MYBPC2: variants seen among roughly 807,000 people sequenced by gnomAD.
MYBPC2 encodes the protein myosin binding protein C2, also known as myosin-binding protein C, fast-type.
Under a neutral mutation model 137.0 loss-of-function variants are expected in MYBPC2, and 122 were observed. The ratio of observed to expected loss-of-function variants is 0.89; its 90% CI spans 0.77 to 1.03. The LOEUF (loss-of-function observed/expected upper bound fraction) is 1.03, where lower values mean the gene tolerates loss of function less well. Ranked by LOEUF, MYBPC2 falls within the 50% of genes least tolerant of loss-of-function variation. The pLI, the probability that MYBPC2 is intolerant of heterozygous loss-of-function variation, is 0.00. For synonymous variants in MYBPC2, 626 were observed against 612.3 expected (o/e 1.02, Z -0.33); for missense variants, 1,500 against 1,534.4 (o/e 0.98, Z 0.37).
intron 7 of MYBPC2, 111 bp downstream of exon 7, chr19:50,437,829 CCA>C: frequency 8.2e-7 from 1 of 1,220,358 alleles, no homozygotes; most frequent in South Asian, 1.3e-5. Flanking sequence ...TATCCCTCTA[CCA>C]CCTCCATCTG....
intron 16 of MYBPC2, among the ~76,000 whole-genome samples, chr19:50,453,677 A>C (rs539015736): frequency 2.0e-5 from 3 of 151,862 alleles, no homozygotes; most frequent in African/African-American, 7.2e-5. Context: ...AGTAGCTGGG[A>C]TTACAGGCAT....
chr19:50,446,763 T>C (rs2039809365), intron 12 of MYBPC2, among the ~76,000 whole-genome samples: 1 of 143,608 alleles, frequency 7.0e-6, no homozygotes, highest in African/African-American at 2.6e-5. Flanking sequence ...GAGGTTGTGG[T>C]GAGCCGAGAT....
rs756709041 is a variant in MYBPC2, at chr19:50,437,477, C to G, written c.468C>G (p.Pro156=). ...SCGFNIDVEA[P]RQDASGQSLE... ...TCTCTCATCACCTCTCCCCAGCACC[C>G]CGTCAGGATGCCTCTGGGCAGAGTC... The change falls in exon 6 of 28, where the codon CCC becomes CCG. Residue 156 remains proline (P), a synonymous_variant. Transcript: ENST00000357701. 2.5e-6 allele frequency: 4 copies of G among 1,610,854 alleles called. No homozygotes were observed. The highest frequency in any genetic ancestry group is 3.4e-6 in the Non-Finnish European group (4 of 1,178,604).
chr19:50,454,892 C>T (rs559111196), intron 18 of MYBPC2, among the ~76,000 whole-genome samples: 1 of 152,230 alleles, frequency 6.6e-6, no homozygotes, highest in South Asian at 2.1e-4. Context: ...TTCTATGGCT[C>T]CTGGCCTCCT....
At position 50,465,334 on chromosome 19, in the gene MYBPC2, T is replaced by C. The variant is rs922793357; in HGVS notation, c.3415+802T>C. On this transcript the variant is annotated intron_variant, in intron 27 of 27. Coordinates refer to ENST00000357701, the MANE Select transcript of MYBPC2 (RefSeq NM_004533.4). The surrounding 1 kb of genome is among the most constrained non-coding windows in gnomAD (Gnocchi z 4.5). ...GCTCTTCCCTCTTCCTGGAACACAA[T>C]TCCCCCGCTCCTTTACCCTGGGCTC... Among the ~76,000 whole-genome samples, 4 of 152,116 alleles carry C rather than the reference T, an allele frequency of 2.6e-5. No individual in the cohort carries two copies. The highest frequency in any genetic ancestry group is 7.2e-5 in the African/African-American group (3 of 41,436).
chr19:50,435,202 G>A lies in MYBPC2; in HGVS notation c.61G>A (p.Ala21Thr). 2 of 1,439,018 alleles carry A rather than the reference G, an allele frequency of 1.4e-6. No homozygotes were observed. Among genetic ancestry groups the A allele is most frequent in the Non-Finnish European group, 1.9e-6 (2 of 1,026,152 alleles). 89.1% of individuals were successfully genotyped at this position (1,439,018 alleles called of 1,614,324 possible). ...CAAAGGCAAAGATGCCCCCAAAGGA[G>A]CCCCCAAGGAGGCTCCCCCTAAGGA... ...APKGKDAPKGAPKEAPPKEAP... is the reference protein window; with the variant it reads ...APKGKDAPKGTPKEAPPKEAP... Residue 21 changes from alanine (A) to threonine (T), a missense_variant, in exon 2 of 28, where the codon GCC (alanine) becomes ACC (threonine). Transcript: ENST00000357701. This position sits in a 1 kb window ranked among gnomAD's most constrained non-coding sequence, Gnocchi z 4.8.
At chr19:50,449,759 G>A (rs963226490) in intron 13 of MYBPC2, among the ~76,000 whole-genome samples, 4 of 152,196 alleles carry the variant, frequency 2.6e-5, no homozygotes, top group African/African-American at 9.6e-5. Context: ...CATGATGCCT[G>A]GAGAACATCG....
At chr19:50,437,766 G>T in intron 7 of MYBPC2, 48 bp downstream of exon 7, 1 of 1,562,116 alleles carries the variant, frequency 6.4e-7, no homozygotes, top group African/African-American at 1.4e-5. Context: ...CTCAAGGGGA[G>T]GAGGTGGTGG....
Position 50,461,005 on chromosome 19 carries a change from A to T in MYBPC2, c.2932-537A>T, listed in dbSNP as rs549581094. On this transcript the variant is annotated intron_variant, in intron 24 of 27. Coordinates refer to ENST00000357701, the MANE Select transcript of MYBPC2 (RefSeq NM_004533.4). ...TGCACCTGGCCTTTATTTCTTTTAA[A>T]TTTTTTTTTTTTTTTTGAGACAGGG... is the stretch of plus-strand genomic sequence containing the variant. Among the ~76,000 whole-genome samples the T allele has an allele frequency of 4.3e-3, 553 of 127,942 alleles. 4 individuals carry two copies. Among genetic ancestry groups the T allele is most frequent in the African/African-American group, 0.015 (515 of 33,892 alleles). 83.9% of individuals were successfully genotyped at this position (127,942 alleles called of 152,430 possible). A position where few individuals can be genotyped will look rare whatever the true frequency, so the allele number is the denominator to read the frequency against.
intron 5 of MYBPC2, among the ~76,000 whole-genome samples, chr19:50,437,248 T>TG: frequency 6.6e-6 from 1 of 151,630 alleles, no homozygotes; most frequent in African/African-American, 2.4e-5. Flanking sequence ...GGCCCAGGTG[T>TG]GGGGGGTATA....
In MYBPC2 at chr19:50,436,614, C is replaced by T; in HGVS notation, c.346-3C>T. On this transcript the variant is annotated splice_polypyrimidine_tract_variant and splice_region_variant and intron_variant, in intron 4 of 27. Coordinates refer to ENST00000357701, the MANE Select transcript of MYBPC2 (RefSeq NM_004533.4). The stretch of plus-strand genomic sequence containing the variant: ...GCACCCACACCCCCGGCCCTGGACC[C>T]AGGTGTACACCGTGGAGCTGCACAT... 6.2e-7 allele frequency: 1 copy of T among 1,613,298 alleles called. No homozygotes were observed. The highest frequency in any genetic ancestry group is 8.5e-7 in the Non-Finnish European group (1 of 1,179,340).
Position 50,458,858 on chromosome 19 carries a change from T to C in MYBPC2, c.2507-60T>C, listed in dbSNP as rs751893892. 26 of 1,595,174 alleles carry C rather than the reference T, an allele frequency of 1.6e-5. No individual in the cohort carries two copies. In the Middle Eastern group the frequency reaches 5.0e-4, roughly 30 times the overall value. ...CCTCCCCAGAGAGCCTTATCACCAT[T>C]GGCCCCTGGAATGCGCCCCGGCCCC... On this transcript the variant is annotated intron_variant, in intron 21 of 27. Coordinates refer to ENST00000357701, the MANE Select transcript of MYBPC2 (RefSeq NM_004533.4).
Position 50,458,730 on chromosome 19 carries a change from C to A in MYBPC2, c.2482C>A (p.Pro828Thr), listed in dbSNP as rs755216729. The A allele has an allele frequency of 1.1e-5, 18 of 1,608,686 alleles. No homozygotes were observed. In the African/African-American group the frequency reaches 2.4e-4, roughly 21 times the overall value. ...CAGCGAGCCGGCCACCCTGGCCCAGCCGGTCACCATCAGGGAGATTGCGGG... is the reference window on the plus strand; with the variant it reads ...CAGCGAGCCGGCCACCCTGGCCCAGACGGTCACCATCAGGGAGATTGCGGG... ...GRSEPATLAQ[P>T]VTIREIAEPP... Residue 828 changes from proline (P) to threonine (T), a missense_variant, in exon 21 of 28, where the codon CCG becomes ACG. Coordinates refer to ENST00000357701, the MANE Select transcript of MYBPC2 (RefSeq NM_004533.4).
At chr19:50,451,769 C>G in intron 15 of MYBPC2, 95 bp from the exon 16 acceptor site, 1 of 1,516,102 alleles carries the variant, frequency 6.6e-7, no homozygotes, top group Non-Finnish European at 8.9e-7. Context: ...GTCTCTGTCA[C>G]TGTTGGAACC....
chr19:50,453,272 C>G (rs147676620), intron 16 of MYBPC2, among the ~76,000 whole-genome samples: 7 of 151,972 alleles, frequency 4.6e-5, no homozygotes, highest in Non-Finnish European at 1.0e-4. Context: ...TTTACTCTTG[C>G]GGAGACGCAA....
At chr19:50,450,742 C>A in intron 13 of MYBPC2, 87 bp from the exon 14 acceptor site, 1 of 926,610 alleles carries the variant, frequency 1.1e-6, no homozygotes. Context: ...GTGGACTGCA[C>A]TGAGGGAAGC....
In MYBPC2 at chr19:50,435,441, C is replaced by T. The variant is rs576135041; in HGVS notation, c.109+191C>T. Among the ~76,000 whole-genome samples the T allele has an allele frequency of 1.3e-4, 20 of 152,354 alleles. No homozygotes were observed. The highest frequency in any genetic ancestry group is 3.4e-3 in the Middle Eastern group (1 of 294). On this transcript the variant is annotated intron_variant, in intron 2 of 27. Transcript: ENST00000357701. The surrounding 1 kb of genome is among the most constrained non-coding windows in gnomAD (Gnocchi z 4.8). Reference sequence around the variant, plus strand: ...CACCCGCAGGCAGAGCCCAGCCCCTCGGCTGGCATCGGCTCCGGTCAGCTG... The same window carrying T: ...CACCCGCAGGCAGAGCCCAGCCCCTTGGCTGGCATCGGCTCCGGTCAGCTG...
At chr19:50,461,444 G>C (rs978288895) in intron 24 of MYBPC2, 98 bp from the exon 25 acceptor site, 1 of 1,276,910 alleles carries the variant, frequency 7.8e-7, no homozygotes, top group African/African-American at 1.5e-5. Flanking sequence ...TTAAACACTG[G>C]ATGTGCTTTT....
Position 50,459,179 on chromosome 19 carries a change from G to T in MYBPC2, c.2664G>T (p.Val888=). The part of the protein sequence containing the change: ...GAPLDTSRVH[V]RTSDFDTVFF... Reference sequence around the variant, plus strand: ...CGCTGGACACCTCCCGCGTGCACGTGCGGACCAGCGACTTCGACACCGTGT... The same window carrying T: ...CGCTGGACACCTCCCGCGTGCACGTTCGGACCAGCGACTTCGACACCGTGT... Residue 888 remains valine, a synonymous_variant, in exon 23 of 28, where the codon GTG becomes GTT. Transcript: ENST00000357701. The T allele has an allele frequency of 1.9e-6, 3 of 1,607,256 alleles. No individual in the cohort carries two copies. The highest frequency in any genetic ancestry group is 2.5e-6 in the Non-Finnish European group (3 of 1,178,362).
Sources: gnomAD v4.1 joint callset for allele counts (sites outside exome capture counted in the v4.1 genomes callset) on GRCh38, gnomAD v4.1.1 for gene constraint, Gnocchi (gnomAD v3.1) non-coding constraint, MANE v1.5 for transcripts, NCBI Gene and HGNC (gene_info 2026-07-23, HGNC 2026-07-21) for gene names.